TGFBI: variants seen among roughly 807,000 people sequenced by gnomAD.
The protein encoded by TGFBI is transforming growth factor-beta-induced protein ig-h3.
Under a neutral mutation model 73.7 loss-of-function variants are expected in TGFBI, and 50 were observed. The ratio of observed to expected loss-of-function variants is 0.68; its 90% confidence interval spans 0.54 to 0.86. The LOEUF is 0.86. TGFBI is among the 40% of genes least tolerant of loss of function. TGFBI has a pLI of 0.00. For synonymous variants in TGFBI, 362 were observed against 360.5 expected (o/e 1.00, Z -0.05); for missense variants, 839 against 877.0 (o/e 0.96, Z 0.55).
chr5:136,032,496 A>G (rs1173501988), intron 1 of TGFBI, among the ~76,000 whole-genome samples: 4 of 152,218 alleles, frequency 2.6e-5, no homozygotes, highest in Admixed American at 2.6e-4. Flanking sequence ...TTTTACTGCA[A>G]TATTGGTGTC....
intron 1 of TGFBI, 32 bp from the exon 2 acceptor site, chr5:136,033,731 C>A: frequency 6.3e-7 from 1 of 1,593,378 alleles, no homozygotes. Flanking sequence ...ACGTGCTGAT[C>A]ATCTTCCTAA....
chr5:136,049,297 G>A (rs1751490215), intron 6 of TGFBI, 142 bp from the exon 7 acceptor site: 10 of 1,156,086 alleles, frequency 8.6e-6, no homozygotes, highest in African/African-American at 1.5e-5. Flanking sequence ...TCATGGGTGA[G>A]CTTGGGTTTG....
intron 15 of TGFBI, among the ~76,000 whole-genome samples, chr5:136,062,092 A>C (rs2126918415): frequency 6.6e-6 from 1 of 151,668 alleles, no homozygotes; most frequent in South Asian, 2.1e-4. Flanking sequence ...CCTCCCTCTC[A>C]AACCCTCTCT....
Position 136,046,403 on chromosome 5 carries a change from G to T in TGFBI, c.367G>T (p.Asp123Tyr). The T allele has an allele frequency of 6.2e-7, 1 of 1,613,912 alleles. No homozygotes were observed. The highest frequency in any genetic ancestry group is 8.5e-7 in the Non-Finnish European group (1 of 1,179,862). The change falls in exon 4 of 17, where the codon GAC (aspartate) becomes TAC (tyrosine). Residue 123 changes from aspartate (D) to tyrosine (Y), a missense_variant. Transcript: ENST00000442011. ...ATCCACCACCACTCAGCTGTACACGGACCGCACGGAGAAGCTGAGGCCTGA... is the reference window on the plus strand; with the variant it reads ...ATCCACCACCACTCAGCTGTACACGTACCGCACGGAGAAGCTGAGGCCTGA... ...VGSTTTQLYT[D>Y]RTEKLRPEME...
intron 2 of TGFBI, among the ~76,000 whole-genome samples, chr5:136,038,914 G>A (rs977256696): frequency 2.0e-5 from 3 of 152,272 alleles, no homozygotes; most frequent in Admixed American, 6.5e-5. Context: ...CCATAAGGCC[G>A]ATTTCTGACT....
At position 136,029,139 on chromosome 5, in the gene TGFBI, G is replaced by T. The variant is rs1175059884; in HGVS notation, c.84G>T (p.Ser28=). 2 of 1,524,680 alleles carry T rather than the reference G, an allele frequency of 1.3e-6. No individual in the cohort carries two copies. Among genetic ancestry groups the T allele is most frequent in the South Asian group, 2.4e-5 (2 of 82,924 alleles). 94.4% of individuals were successfully genotyped at this position (1,524,680 alleles called of 1,614,324 possible). Residue 28 remains serine (S), a synonymous_variant, in exon 1 of 17, where the codon TCG becomes TCT. Transcript: ENST00000442011. ...PAATLAGPAK[S]PYQLVLQHSR... Reference sequence around the variant, plus strand: ...CGACCCTGGCGGGTCCCGCCAAGTCGCCCTACCAGCTGGTGCTGCAGCACA... The same window carrying T: ...CGACCCTGGCGGGTCCCGCCAAGTCTCCCTACCAGCTGGTGCTGCAGCACA...
At chr5:136,062,781 A>G in intron 16 of TGFBI, 94 bp downstream of exon 16, 2 of 1,348,806 alleles carry the variant, frequency 1.5e-6, no homozygotes, top group East Asian at 5.0e-5. Context: ...ATAGATAAGA[A>G]CATCATGGTG....
intron 1 of TGFBI, among the ~76,000 whole-genome samples, chr5:136,030,736 T>A (rs939874998): frequency 1.3e-5 from 2 of 152,168 alleles, no homozygotes; most frequent in African/African-American, 4.8e-5. Context: ...TGCCAATGAA[T>A]TGTGTTATGT....
Position 136,046,472 on chromosome 5 carries a change from G to A in TGFBI, c.436G>A (p.Glu146Lys), listed in dbSNP as rs773479467. Reference protein sequence around the residue: ...GSFTIFAPSNEAWASLPAEVL... With the variant: ...GSFTIFAPSNKAWASLPAEVL... Reference sequence around the variant, plus strand: ...CTTCACCATCTTCGCCCCTAGCAACGAGGCCTGGGCCTCCTTGCCAGCTGT... The same window carrying A: ...CTTCACCATCTTCGCCCCTAGCAACAAGGCCTGGGCCTCCTTGCCAGCTGT... The change falls in exon 4 of 17, where the codon GAG becomes AAG. Residue 146 changes from glutamate to lysine, a missense_variant. Physicochemically the swap from Glu to Lys is moderately conservative, Grantham distance 56. Transcript: ENST00000442011. The A allele has an allele frequency of 3.4e-5, 54 of 1,610,674 alleles. No homozygotes were observed. Among genetic ancestry groups the A allele is most frequent in the East Asian group, 4.5e-5 (2 of 44,748 alleles).
In TGFBI at chr5:136,053,039, A is replaced by G; in HGVS notation, c.1046A>G (p.Lys349Arg). The change falls in exon 8 of 17, where the codon AAG becomes AGG. Residue 349 changes from lysine (K) to arginine (R), a missense_variant. By Grantham distance (26) the Lys-to-Arg change is conservative. Coordinates refer to ENST00000442011, the MANE Select transcript of TGFBI (RefSeq NM_000358.3). Reference protein sequence around the residue: ...CSGDMLTINGKAIISNKDILA... With the variant: ...CSGDMLTINGRAIISNKDILA... ...GGGGACATGCTCACTATCAACGGGA[A>G]GGCGATCATCTCCAATAAAGACATC... 6.2e-7 allele frequency: 1 copy of G among 1,614,068 alleles called. No individual in the cohort carries two copies. Among genetic ancestry groups the G allele is most frequent in the South Asian group, 1.1e-5 (1 of 91,080 alleles).
chr5:136,049,250 G>T, intron 6 of TGFBI, 189 bp from the exon 7 acceptor site: 1 of 627,164 alleles, frequency 1.6e-6, no homozygotes, highest in Non-Finnish European at 2.6e-6. Context: ...CAGGCTGGCT[G>T]GAGCTCAGGC....
intron 1 of TGFBI, among the ~76,000 whole-genome samples, chr5:136,032,252 C>T (rs982827593): frequency 3.3e-5 from 5 of 152,150 alleles, no homozygotes; most frequent in African/African-American, 1.2e-4. Flanking sequence ...CTTCACTTCT[C>T]TTGTCCCTAG....
intron 2 of TGFBI, among the ~76,000 whole-genome samples, chr5:136,035,681 T>C (rs1751208247): frequency 6.6e-6 from 1 of 150,712 alleles, no homozygotes. Flanking sequence ...TTTTTTCCCA[T>C]GTGTGTATAT....
chr5:136,031,406 A>G (rs934199010), intron 1 of TGFBI, among the ~76,000 whole-genome samples: 2 of 152,246 alleles, frequency 1.3e-5, no homozygotes, highest in Non-Finnish European at 2.9e-5. Context: ...ATATGAAGGA[A>G]GAAATAACAG....
chr5:136,036,672 A>C (rs1580709375), intron 2 of TGFBI, among the ~76,000 whole-genome samples: 1 of 152,104 alleles, frequency 6.6e-6, no homozygotes, highest in South Asian at 2.1e-4. Context: ...TGCTGGCTGG[A>C]GTTGATGTTA....
chr5:136,063,327 C>G lies in TGFBI; in HGVS notation c.*101C>G. On this transcript the variant is annotated 3_prime_UTR_variant, in exon 17 of 17. Transcript: ENST00000442011. Reference sequence around the variant, plus strand: ...AATGTTTTCAAAACCAAGTATCACACTTTAATGTACATGGGCCGCACCATA... The same window carrying G: ...AATGTTTTCAAAACCAAGTATCACAGTTTAATGTACATGGGCCGCACCATA... The G allele has an allele frequency of 9.3e-7, 1 of 1,071,462 alleles. No individual in the cohort carries two copies. The highest frequency in any genetic ancestry group is 1.4e-6 in the Non-Finnish European group (1 of 706,574). The allele number at this position is 1,071,462 out of a possible 1,614,324, so 66.4% of individuals were successfully genotyped here. A position where few individuals can be genotyped will look rare whatever the true frequency, so the allele number is the denominator to read the frequency against.
Position 136,046,341 on chromosome 5 carries a change from C to T in TGFBI, c.305C>T (p.Pro102Leu), listed in dbSNP as rs1751425600. Residue 102 changes from proline to leucine, a missense_variant, in exon 4 of 17, where the codon CCA becomes CTA. Transcript: ENST00000442011. ...PGEKGCPAAL[P>L]LSNLYETLGV... is the part of the protein sequence containing the mutation. ...CTGTCTTCTGCTCCTGCAGCCCTAC[C>T]ACTCTCAAACCTTTACGAGACCCTG... The T allele has an allele frequency of 3.7e-6, 6 of 1,613,902 alleles. No individual in the cohort carries two copies. The highest frequency in any genetic ancestry group is 4.2e-6 in the Non-Finnish European group (5 of 1,179,826).
In TGFBI at chr5:136,059,232, C is replaced by T; in HGVS notation, c.1803+18C>T. ...TCAGCTTGGTAAGTGTCCTGCAAAT[C>T]AAAGGCTGGCTAAATTTCCCCAGGG... On this transcript the variant is annotated intron_variant, in intron 13 of 16. Coordinates refer to ENST00000442011, the MANE Select transcript of TGFBI (RefSeq NM_000358.3). 2 of 1,606,806 alleles carry T rather than the reference C, an allele frequency of 1.2e-6. No individual in the cohort carries two copies. Among genetic ancestry groups the T allele is most frequent in the South Asian group, 2.2e-5 (2 of 89,080 alleles).
chr5:136,029,074 C>G lies in TGFBI; in HGVS notation c.19C>G (p.Leu7Val), dbSNP rs1190879712. MALFVR[L>V]LALALALALG... is the part of the protein sequence containing the mutation. The stretch of plus-strand genomic sequence containing the variant: ...CCGCTCCATGGCGCTCTTCGTGCGG[C>G]TGCTGGCTCTCGCCCTGGCTCTGGC... The change falls in exon 1 of 17, where the codon CTG becomes GTG. Residue 7 changes from leucine (L) to valine (V), a missense_variant. Transcript: ENST00000442011. 1.3e-6 allele frequency: 2 copies of G among 1,527,894 alleles called. No homozygotes were observed. The highest frequency in any genetic ancestry group is 2.5e-5 in the East Asian group (1 of 39,962). 94.6% of individuals were successfully genotyped at this position (1,527,894 alleles called of 1,614,324 possible).
Sources: gnomAD v4.1 joint callset for allele counts (sites outside exome capture counted in the v4.1 genomes callset) on GRCh38, gnomAD v4.1.1 for gene constraint, MANE v1.5 for transcripts, NCBI Gene and HGNC (gene_info 2026-07-23, HGNC 2026-07-21) for gene names.